The following MEI1 variants were observed in gnomAD, a reference collection of about 807,000 sequenced individuals.
MEI1 encodes meiotic double-stranded break formation protein 1.
Under a neutral mutation model 146.2 loss-of-function variants are expected in MEI1, and 103 were observed. That is an observed-to-expected ratio of 0.70 (90% CI 0.60 to 0.83). The LOEUF is 0.83. Ranked by LOEUF, MEI1 falls within the 40% of genes least tolerant of loss-of-function variation. MEI1 has a pLI of 0.00. For synonymous variants in MEI1, 652 were observed against 628.2 expected, an observed-to-expected ratio of 1.04 and a Z score of -0.57; for missense variants, 1,529 against 1,533.0, an observed-to-expected ratio of 1.00 and a Z score of 0.04.
intron 17 of MEI1, among the ~76,000 whole-genome samples, chr22:41,756,694 G>A (rs1032512933): frequency 3.9e-5 from 6 of 152,142 alleles, no homozygotes; most frequent in Admixed American, 3.9e-4. Flanking sequence ...GGCTGGTCTC[G>A]AACTCCTGAC....
In MEI1 at chr22:41,777,315, C is replaced by T. The variant is rs146140382; in HGVS notation, c.2710+1048C>T. Among the ~76,000 whole-genome samples, 1,025 of 151,870 alleles carry T rather than the reference C, an allele frequency of 6.7e-3. 7 individuals are homozygous for T. Among genetic ancestry groups the T allele is most frequent in the African/African-American group, 0.024 (989 of 41,416 alleles). ...GAATTACAGGCATGCGCCACTGCAC[C>T]TGGCTAATTTTTTGTATTTTTATTA... is the stretch of plus-strand genomic sequence containing the variant. On this transcript the variant is annotated intron_variant, in intron 21 of 30. Coordinates refer to ENST00000401548, the MANE Select transcript of MEI1 (RefSeq NM_152513.4).
At chr22:41,787,487 T>C (rs2076033411) in intron 26 of MEI1, among the ~76,000 whole-genome samples, 2 of 152,220 alleles carry the variant, frequency 1.3e-5, no homozygotes, top group African/African-American at 2.4e-5. Flanking sequence ...GTTTGCATTA[T>C]GGACACTTAG....
chr22:41,778,855 G>C, intron 22 of MEI1, 43 bp downstream of exon 22: 1 of 1,403,674 alleles, frequency 7.1e-7, no homozygotes, highest in Non-Finnish European at 9.9e-7. Flanking sequence ...CCCAGGGCTG[G>C]ACGTGCAGTG....
At position 41,744,960 on chromosome 22, in the gene MEI1, C is replaced by G; in HGVS notation, c.1447-13C>G. On this transcript the variant is annotated splice_polypyrimidine_tract_variant and intron_variant, in intron 12 of 30. Transcript: ENST00000401548. ...CTTGATCACTAGGTTCCTGTCTCTC[C>G]TTCCCACCTCAGGGCCATGCCTCCA... 2 of 1,519,884 alleles carry G rather than the reference C, an allele frequency of 1.3e-6. No individual in the cohort carries two copies. The highest frequency in any genetic ancestry group is 1.8e-6 in the Non-Finnish European group (2 of 1,129,768). The allele number at this position is 1,519,884 out of a possible 1,614,324, so 94.1% of individuals were successfully genotyped here. A position where few individuals can be genotyped will look rare whatever the true frequency, so the allele number is the denominator to read the frequency against.
At chr22:41,724,845 T>C (rs2071180800) in intron 7 of MEI1, among the ~76,000 whole-genome samples, 1 of 150,800 alleles carries the variant, frequency 6.6e-6, no homozygotes, top group Non-Finnish European at 1.5e-5. Context: ...CTCTCTCCAC[T>C]CAGGCTGGAA....
intron 3 of MEI1, among the ~76,000 whole-genome samples, chr22:41,710,138 AAC>A (rs371345335): frequency 1.3e-5 from 2 of 151,980 alleles, no homozygotes; most frequent in African/African-American, 4.8e-5. Flanking sequence ...AGCAAATTTG[AAC>A]ACACACACAG....
At position 41,731,207 on chromosome 22, in the gene MEI1, C is replaced by T. The variant is rs189682478; in HGVS notation, c.1096+570C>T. Among the ~76,000 whole-genome samples the T allele has an allele frequency of 4.8e-4, 72 of 151,372 alleles. 2 individuals are homozygous for T. The East Asian group carries it at 0.013, about 26-fold the overall frequency. ...TAACTGGGATTACAGGCATGTGCCA[C>T]CACGCCCAGCTAATTTTTTGTATCT... On this transcript the variant is annotated intron_variant, in intron 9 of 30. Transcript: ENST00000401548.
At chr22:41,741,177 G>A (rs921067351) in intron 11 of MEI1, among the ~76,000 whole-genome samples, 5 of 152,184 alleles carry the variant, frequency 3.3e-5, no homozygotes, top group Non-Finnish European at 7.3e-5. Context: ...TGGGCTGCAT[G>A]CGGCCTGTGG....
At chr22:41,718,009 A>C in intron 5 of MEI1, 62 bp from the exon 6 acceptor site, 1 of 1,273,066 alleles carries the variant, frequency 7.9e-7, no homozygotes, top group Non-Finnish European at 1.1e-6. Context: ...AATAGATTGG[A>C]GTTTCATATA....
At chr22:41,713,150 G>A (rs983042745) in intron 3 of MEI1, among the ~76,000 whole-genome samples, 3 of 152,034 alleles carry the variant, frequency 2.0e-5, no homozygotes, top group Non-Finnish European at 4.4e-5. Flanking sequence ...TGAGTCTAAT[G>A]TGCAGCCTGA....
At chr22:41,717,188 A>T (rs1197767337) in intron 5 of MEI1, among the ~76,000 whole-genome samples, 1 of 151,926 alleles carries the variant, frequency 6.6e-6, no homozygotes, top group African/African-American at 2.4e-5. Flanking sequence ...AATAATAATA[A>T]TTTTTTGAGA....
In MEI1 at chr22:41,752,665, C is replaced by T. The variant is rs1297946027; in HGVS notation, c.1853+14C>T. The T allele has an allele frequency of 6.3e-7, 1 of 1,586,242 alleles. No homozygotes were observed. The highest frequency in any genetic ancestry group is 8.6e-7 in the Non-Finnish European group (1 of 1,166,008). On this transcript the variant is annotated intron_variant, in intron 16 of 30. Coordinates refer to ENST00000401548, the MANE Select transcript of MEI1 (RefSeq NM_152513.4). ...CAGTGGTCTGAGGTATGTGTGGTCC[C>T]AGGCAAGATTGAGTGGCCAAGGGGC...
chr22:41,793,976 C>G (rs756589908), intron 27 of MEI1, 66 bp downstream of exon 27: 61 of 1,398,846 alleles, frequency 4.4e-5, no homozygotes, highest in Non-Finnish European at 6.1e-5. Flanking sequence ...ACCCTTCCAC[C>G]CTCCTGCTCC....
intron 19 of MEI1, among the ~76,000 whole-genome samples, chr22:41,763,699 TCTC>T (rs1287656537): frequency 2.6e-5 from 4 of 151,662 alleles, no homozygotes; most frequent in Admixed American, 6.6e-5. Flanking sequence ...TTCAAGCGAT[TCTC>T]CTGCCTCAGC....
intron 3 of MEI1, among the ~76,000 whole-genome samples, chr22:41,708,485 G>T (rs1444420379): frequency 6.6e-6 from 1 of 151,898 alleles, no homozygotes; most frequent in Non-Finnish European, 1.5e-5. Flanking sequence ...TTTCAGGCAG[G>T]ACATGGGCAG....
intron 22 of MEI1, 65 bp from the exon 23 acceptor site, chr22:41,781,219 G>A: frequency 1.7e-6 from 2 of 1,180,936 alleles, no homozygotes; most frequent in South Asian, 1.3e-5. Flanking sequence ...CCAGTCGCAG[G>A]CTACCACCTA....
chr22:41,712,594 A>G (rs117873693), intron 3 of MEI1, among the ~76,000 whole-genome samples: 1 of 151,818 alleles, frequency 6.6e-6, no homozygotes, highest in Non-Finnish European at 1.5e-5. Flanking sequence ...TTAGAAATAC[A>G]CTAGAATTTT....
intron 20 of MEI1, among the ~76,000 whole-genome samples, chr22:41,773,967 A>G (rs980114609): frequency 1.7e-4 from 26 of 152,214 alleles, no homozygotes; most frequent in Admixed American, 1.6e-3. Flanking sequence ...GCTTCTAGCC[A>G]GAGGAAGGAA....
chr22:41,734,923 C>T (rs1194728964), intron 11 of MEI1, among the ~76,000 whole-genome samples: 4 of 151,682 alleles, frequency 2.6e-5, no homozygotes, highest in African/African-American at 9.7e-5. Flanking sequence ...AGGTATGAGC[C>T]ACTTGCACCT....
Sources: allele counts gnomAD v4.1 joint callset (sites outside exome capture counted in the v4.1 genomes callset), GRCh38; gene constraint gnomAD v4.1.1; transcripts MANE v1.5; gene names NCBI Gene and HGNC (gene_info 2026-07-23, HGNC 2026-07-21).